PTPRN2: variants seen among roughly 807,000 people sequenced by gnomAD.
PTPRN2 encodes receptor-type tyrosine-protein phosphatase N2.
A neutral mutation model predicts 118.8 loss-of-function variants in PTPRN2; 74 were observed. The ratio of observed to expected loss-of-function variants is 0.62; its 90% CI spans 0.52 to 0.76. PTPRN2 has a LOEUF of 0.76. PTPRN2 is among the 30% of genes least tolerant of loss of function. PTPRN2 has a pLI of 0.00. For synonymous variants in PTPRN2, 641 were observed against 608.0 expected (o/e 1.05, Z -0.80); for missense variants, 1,481 against 1,394.4 (o/e 1.06, Z -0.99).
chr7:158,550,046 T>TC (rs1381556096), intron 1 of PTPRN2, among the ~76,000 whole-genome samples: 2 of 152,164 alleles, frequency 1.3e-5, no homozygotes, highest in African/African-American at 4.8e-5. Context: ...AGGAAGGACC[T>TC]CATGGGGCTT....
rs543310953 is a variant in PTPRN2 at position 157,562,878 on chromosome 7, C to G, written c.2902+6024G>C. 5.6e-5 allele frequency among the ~76,000 whole-genome samples: 8 copies of G among 143,618 alleles called. No homozygotes were observed. In the East Asian group the frequency reaches 1.7e-3, roughly 31 times the overall value. The allele number at this position is 143,618 out of a possible 152,430, so 94.2% of individuals were successfully genotyped here. On this transcript the variant is annotated intron_variant, in intron 21 of 22. Transcript: ENST00000389418. ...CCACGTGCTCCCATGTCACCACACG[C>G]AGATCAGGACCACGTGCTCCCGCAT...
intron 2 of PTPRN2, among the ~76,000 whole-genome samples, chr7:158,349,977 C>T (rs1005292536): frequency 1.3e-4 from 20 of 152,154 alleles, no homozygotes; most frequent in African/African-American, 4.8e-4. Flanking sequence ...ACGTGTTCCC[C>T]TTTGCAGACT....
At chr7:157,660,814 G>T (rs915798612) in intron 13 of PTPRN2, among the ~76,000 whole-genome samples, 2 of 152,220 alleles carry the variant, frequency 1.3e-5, no homozygotes, top group Admixed American at 1.3e-4. Context: ...GAGTGCAGTG[G>T]TGTAATCTCA....
intron 2 of PTPRN2, among the ~76,000 whole-genome samples, chr7:158,451,020 G>C (rs1481702425): frequency 6.6e-6 from 1 of 152,214 alleles, no homozygotes; most frequent in East Asian, 1.9e-4. Flanking sequence ...CCTGGAGCTG[G>C]TGCTTCCGGT....
chr7:157,639,788 C>T (rs1023739240), intron 14 of PTPRN2, among the ~76,000 whole-genome samples: 9 of 152,224 alleles, frequency 5.9e-5, no homozygotes, highest in African/African-American at 1.2e-4. Context: ...AACAACCACA[C>T]CCTTAGCAAA....
At position 158,316,931 on chromosome 7, in the gene PTPRN2, A is replaced by G. The variant is rs1452784316; in HGVS notation, c.165T>C (p.Asp55=). Residue 55 remains aspartate, a splice_region_variant and synonymous_variant, in exon 3 of 23, where the codon GAT becomes GAC. Coordinates refer to ENST00000389418, the MANE Select transcript of PTPRN2 (RefSeq NM_002847.5). ...LCGASEACVN[D]GVFGRCQKVP... is the part of the protein sequence containing the mutation. ...CCTTCTGGCACCTTCCAAACACTCC[A>G]TCTGTGAGAAGGGAAGGAGATAAGA... 7.5e-6 allele frequency: 12 copies of G among 1,605,932 alleles called. No individual in the cohort carries two copies. Among genetic ancestry groups the G allele is most frequent in the Non-Finnish European group, 8.5e-6 (10 of 1,175,462 alleles).
rs75825951 is a variant in PTPRN2, at chr7:158,535,767, A to T, written c.113-45982T>A. Among the ~76,000 whole-genome samples, 256 of 150,648 alleles carry T rather than the reference A, an allele frequency of 1.7e-3. 8 individuals are homozygous for T. In the East Asian group the frequency reaches 0.032, roughly 19 times the overall value. ...ATGATTGTTTTTACATAAAGTGTTT[A>T]AAAAAAAAGACTGGAAGGAAACACA... On this transcript the variant is annotated intron_variant, in intron 1 of 22. Transcript: ENST00000389418.
At chr7:157,552,330 T>C (rs1798672588) in intron 21 of PTPRN2, among the ~76,000 whole-genome samples, 1 of 152,242 alleles carries the variant, frequency 6.6e-6, no homozygotes, top group Non-Finnish European at 1.5e-5. Context: ...CAGGGAAACC[T>C]GCCCTCTCAT....
intron 12 of PTPRN2, among the ~76,000 whole-genome samples, chr7:157,743,344 T>C (rs1800743143): frequency 6.6e-6 from 1 of 151,804 alleles, no homozygotes; most frequent in Non-Finnish European, 1.5e-5. Context: ...AGCTGTGGAG[T>C]GGAGCCAGGA....
At chr7:158,457,840 G>A (rs1818650857) in intron 2 of PTPRN2, among the ~76,000 whole-genome samples, 1 of 150,552 alleles carries the variant, frequency 6.6e-6, no homozygotes, top group Non-Finnish European at 1.5e-5. Flanking sequence ...GGCGAGCCTG[G>A]CCTGGGGAGA....
intron 11 of PTPRN2, among the ~76,000 whole-genome samples, chr7:157,927,454 C>T (rs1799084905): frequency 8.5e-6 from 1 of 118,068 alleles, no homozygotes; most frequent in Non-Finnish European, 1.7e-5. Context: ...GACAGGAAGC[C>T]CCAGGGACCC....
chr7:158,445,366 C>G (rs993899958), intron 2 of PTPRN2, among the ~76,000 whole-genome samples: 1 of 152,202 alleles, frequency 6.6e-6, no homozygotes, highest in Non-Finnish European at 1.5e-5. Context: ...TAAATCCCCC[C>G]GTCTGCAACC....
At chr7:158,494,972 C>T (rs1249581438) in intron 1 of PTPRN2, among the ~76,000 whole-genome samples, 1 of 152,186 alleles carries the variant, frequency 6.6e-6, no homozygotes, top group African/African-American at 2.4e-5. Context: ...TCACAGACTC[C>T]ACGCCCAATC....
intron 11 of PTPRN2, among the ~76,000 whole-genome samples, chr7:157,991,768 C>T (rs1804270458): frequency 6.6e-6 from 1 of 151,510 alleles, no homozygotes; most frequent in Non-Finnish European, 1.5e-5. Context: ...GCCAAGGGCA[C>T]CTAAGCACCA....
intron 11 of PTPRN2, among the ~76,000 whole-genome samples, chr7:157,912,703 A>AT (rs1258544799): frequency 3.3e-5 from 5 of 151,964 alleles, no homozygotes; most frequent in African/African-American, 2.4e-5. Context: ...AGGTCATTTC[A>AT]TTTTTTTCTC....
In PTPRN2 at chr7:157,632,712, A is replaced by G. The variant is rs1021165079; in HGVS notation, c.2197-11203T>C. Reference sequence around the variant, plus strand: ...CAGGCTGTCATTCTCAGAGAAGCGCAAAGAATTTTAAATGAACAATTTTAT... The same window carrying G: ...CAGGCTGTCATTCTCAGAGAAGCGCGAAGAATTTTAAATGAACAATTTTAT... On this transcript the variant is annotated intron_variant, in intron 14 of 22. Coordinates refer to ENST00000389418, the MANE Select transcript of PTPRN2 (RefSeq NM_002847.5). The surrounding 1 kb of genome is among the most constrained non-coding windows in gnomAD (Gnocchi z 4.3). Among the ~76,000 whole-genome samples, 2 of 152,246 alleles carry G rather than the reference A, an allele frequency of 1.3e-5. No homozygotes were observed. Among genetic ancestry groups the G allele is most frequent in the African/African-American group, 4.8e-5 (2 of 41,458 alleles).
rs1329052633 is a variant in PTPRN2, at chr7:157,591,852, TTGAAGGATGACGTGGAAGCAA to T, written c.2496+3365_2496+3385del. ...TGTTCTGCACAGAGGGATCCCCAGGTTGAAGGATGACGTGGAAGCAATGACGTCGTGGTCAGGGACGTCTGC... is the reference window on the plus strand; with the variant it reads ...TGTTCTGCACAGAGGGATCCCCAGGTTGACGTCGTGGTCAGGGACGTCTGC... On this transcript the variant is annotated intron_variant, in intron 17 of 22. Coordinates refer to ENST00000389418, the MANE Select transcript of PTPRN2 (RefSeq NM_002847.5). This position sits in a 1 kb window ranked among gnomAD's most constrained non-coding sequence, Gnocchi z 4.4. Among the ~76,000 whole-genome samples, 5 of 152,148 alleles carry T rather than the reference TTGAAGGATGACGTGGAAGCAA, an allele frequency of 3.3e-5. No individual in the cohort carries two copies. Among genetic ancestry groups the T allele is most frequent in the African/African-American group, 1.2e-4 (5 of 41,434 alleles).
At chr7:157,673,499 G>A (rs1002191195) in intron 13 of PTPRN2, among the ~76,000 whole-genome samples, 3 of 152,190 alleles carry the variant, frequency 2.0e-5, no homozygotes, top group Non-Finnish European at 4.4e-5. Context: ...GCCTGACTCT[G>A]CCCACCTCAC....
At chr7:158,423,809 C>T (rs959309362) in intron 2 of PTPRN2, among the ~76,000 whole-genome samples, 2 of 152,164 alleles carry the variant, frequency 1.3e-5, no homozygotes, top group Admixed American at 6.5e-5. Flanking sequence ...CCACATCCAG[C>T]CCCTCATTTT....
Sources: allele counts gnomAD v4.1 joint callset (sites outside exome capture counted in the v4.1 genomes callset), GRCh38; gene constraint gnomAD v4.1.1; non-coding constraint Gnocchi (gnomAD v3.1); transcripts MANE v1.5; gene names NCBI Gene and HGNC (gene_info 2026-07-23, HGNC 2026-07-21).